Variants in BTD observed in about 807,000 individuals in gnomAD.
BTD encodes the protein biocytinase.
BTD carries 13 observed loss-of-function variants against 17.7 expected under a neutral mutation model. The ratio of observed to expected loss-of-function variants is 0.74; its 90% CI spans 0.48 to 1.17. The LOEUF is 1.17. Ranked by LOEUF, BTD falls within the 50% of genes most tolerant of loss-of-function variation. The pLI, the probability that BTD is intolerant of heterozygous loss-of-function variation, is 0.00. For missense variants in BTD, 674 were observed against 650.4 expected, an observed-to-expected ratio of 1.04 and a Z score of -0.39; for synonymous variants, 240 against 245.2, an observed-to-expected ratio of 0.98 and a Z score of 0.20.
intron 1 of BTD, among the ~76,000 whole-genome samples, chr3:15,614,598 C>CT (rs869155456): frequency 0.015 from 1,914 of 125,204 alleles, 35 homozygotes; most frequent in Admixed American, 0.029. Context: ...ATATCTTTTT[C>CT]TTTTTTTTTT....
chr3:15,658,643 G>A (rs2065894289), downstream of BTD, among the ~76,000 whole-genome samples: 1 of 152,074 alleles, frequency 6.6e-6, no homozygotes, highest in South Asian at 2.1e-4. Context: ...ACACTTTGAG[G>A]AACTGAGCTC....
chr3:15,714,520 T>C (rs1420935206), downstream of BTD: 3 of 1,257,326 alleles, frequency 2.4e-6, no homozygotes, highest in African/African-American at 1.6e-5. Flanking sequence ...TGGATGTTTT[T>C]ACTACATTTA....
intron 3 of BTD, chr3:15,683,706 A>G (rs1034128575): frequency 6.6e-6 from 1 of 152,212 alleles, no homozygotes; most frequent in African/African-American, 2.4e-5. Flanking sequence ...TGGCATAAGG[A>G]CTAATATGAA....
Position 15,696,326 on chromosome 3 carries a change from C to A in BTD, c.400-13734C>A, listed in dbSNP as rs942880186. ...GATAAAAAGAGACTGAAATTAAAAACTGACAATTTTTCTTATACTTGAGTA... is the reference window on the plus strand; with the variant it reads ...GATAAAAAGAGACTGAAATTAAAAAATGACAATTTTTCTTATACTTGAGTA... On this transcript the variant is annotated intron_variant, in intron 3 of 3. Transcript: ENST00000672141. The A allele has an allele frequency of 5.5e-6, 5 of 907,722 alleles. No individual in the cohort carries two copies. In the African/African-American group the frequency reaches 8.3e-5, roughly 15 times the overall value. The allele number at this position is 907,722 out of a possible 1,614,324, so 56.2% of individuals were successfully genotyped here.
rs780874850 is a variant in BTD, at chr3:15,644,492, AC to A, written c.577del (p.His193ThrfsTer51). The A allele has an allele frequency of 1.9e-6, 3 of 1,614,154 alleles. No individual in the cohort carries two copies. Among genetic ancestry groups the A allele is most frequent in the East Asian group, 2.2e-5 (1 of 44,892 alleles). On this transcript the variant is annotated frameshift_variant, in exon 4 of 4. Coordinates refer to ENST00000643237, the MANE Select transcript of BTD (RefSeq NM_001370658.1). LOFTEE classifies it low-confidence loss of function (END_TRUNC). ...GAACCCTTGTTGACCGCTACCGTAA[AC>A]ACAACCTCTACTTTGAGGCAGCATT... The part of the protein sequence containing the change: ...NGTLVDRYRK[H>X]NLYFEAAFDV...
intron 3 of BTD, among the ~76,000 whole-genome samples, chr3:15,644,096 G>A (rs1241250313): frequency 1.3e-5 from 2 of 151,930 alleles, no homozygotes; most frequent in Admixed American, 6.6e-5. Context: ...CGCCTACTGG[G>A]TTCACGCCAT....
In BTD at chr3:15,610,715, C is replaced by T. The variant is rs147357877; in HGVS notation, c.-17+8821C>T. On this transcript the variant is annotated intron_variant, in intron 1 of 3. Coordinates refer to ENST00000643237, the MANE Select transcript of BTD (RefSeq NM_001370658.1). The stretch of plus-strand genomic sequence containing the variant: ...GGTAGGACAAGTAGTCCCTGGACTT[C>T]ATTCTTTTGAAGCCATCTTGTTTAT... Among the ~76,000 whole-genome samples the T allele has an allele frequency of 1.9e-3, 294 of 152,254 alleles. 1 individual carries two copies. The highest frequency in any genetic ancestry group is 6.9e-3 in the African/African-American group (286 of 41,538).
chr3:15,666,293 T>A (rs2065988863), intron 3 of BTD, among the ~76,000 whole-genome samples: 1 of 152,192 alleles, frequency 6.6e-6, no homozygotes, highest in South Asian at 2.1e-4. Context: ...AGATTGCACG[T>A]CAGCAGTCAT....
intron 1 of BTD, among the ~76,000 whole-genome samples, chr3:15,610,128 A>G (rs896782107): frequency 6.6e-6 from 1 of 152,198 alleles, no homozygotes; most frequent in African/African-American, 2.4e-5. Flanking sequence ...TATTTAACAT[A>G]TATTCCTATG....
chr3:15,692,653 T>C (rs752636924), intron 3 of BTD, among the ~76,000 whole-genome samples: 8 of 152,196 alleles, frequency 5.3e-5, no homozygotes, highest in Non-Finnish European at 8.8e-5. Context: ...CTGTACCAAG[T>C]TGTCCCGAAT....
At chr3:15,714,483 G>T, downstream of BTD, 2 of 849,202 alleles carry the variant, frequency 2.4e-6, no homozygotes, top group South Asian at 1.9e-5. Flanking sequence ...AAAATGCGAT[G>T]ACAATTCCTC....
At chr3:15,625,461 G>C (rs1262979466) in intron 1 of BTD, among the ~76,000 whole-genome samples, 1 of 152,220 alleles carries the variant, frequency 6.6e-6, no homozygotes, top group Admixed American at 6.5e-5. Context: ...GAACCTGGTA[G>C]AACTCCTAGA....
rs1338710484 is a variant in BTD, at chr3:15,645,446, G to A, written c.1530G>A (p.Leu510=). 10 of 1,612,208 alleles carry A rather than the reference G, an allele frequency of 6.2e-6. No individual in the cohort carries two copies. In the African/African-American group the frequency reaches 1.1e-4, roughly 17 times the overall value. The change falls in exon 4 of 4, where the codon CTG becomes CTA. Residue 510 remains leucine (L), a synonymous_variant. Transcript: ENST00000643237. ...FLRKSRLSSG[L]VTAALYGRLY... is the part of the protein sequence containing the mutation. ...GGAAAAGTAGGCTGTCCTCTGGGCT[G>A]GTGACGGCGGCTCTCTATGGGCGCT...
chr3:15,721,821 C>T (rs1490765533), exon 5 of BTD, among the ~76,000 whole-genome samples: 6 of 152,050 alleles, frequency 3.9e-5, no homozygotes, highest in African/African-American at 1.4e-4. Context: ...CTCAGCTCAC[C>T]GAAACCTCTG....
At chr3:15,666,907 T>G (rs979702415) in intron 3 of BTD, among the ~76,000 whole-genome samples, 2 of 152,228 alleles carry the variant, frequency 1.3e-5, no homozygotes, top group Non-Finnish European at 2.9e-5. Context: ...GATCTTATTC[T>G]GTACCTTTTA....
At chr3:15,638,326 A>G (rs1012541722) in intron 2 of BTD, among the ~76,000 whole-genome samples, 2 of 152,090 alleles carry the variant, frequency 1.3e-5, no homozygotes, top group Non-Finnish European at 2.9e-5. Context: ...AACAGAAACA[A>G]CTGGTTCAGG....
At position 15,645,520 on chromosome 3, in the gene BTD, G is replaced by T. The variant is rs1200505812; in HGVS notation, c.*32G>T. On this transcript the variant is annotated 3_prime_UTR_variant, in exon 4 of 4. Coordinates refer to ENST00000643237, the MANE Select transcript of BTD (RefSeq NM_001370658.1). The stretch of plus-strand genomic sequence containing the variant: ...TGTGTGGTCTGTGGGGCGGACTCTG[G>T]CCATCATGTTGACAGCCTTGCACTT... 6.3e-7 allele frequency: 1 copy of T among 1,597,956 alleles called. No homozygotes were observed. The highest frequency in any genetic ancestry group is 1.7e-5 in the Admixed American group (1 of 60,006).
In BTD at chr3:15,645,068, C is replaced by G; in HGVS notation, c.1152C>G (p.Thr384=). 1 of 1,614,178 alleles carries G rather than the reference C, an allele frequency of 6.2e-7. No individual in the cohort carries two copies. The highest frequency in any genetic ancestry group is 8.5e-7 in the Non-Finnish European group (1 of 1,180,042). Residue 384 remains threonine, a synonymous_variant, in exon 4 of 4, where the codon ACC becomes ACG. Transcript: ENST00000643237. Reference sequence around the variant, plus strand: ...CTGAGATGATGTATGACAATTTCACCCTGGTCCCTGTCTGGGGAAAGGAAG... The same window carrying G: ...CTGAGATGATGTATGACAATTTCACGCTGGTCCCTGTCTGGGGAAAGGAAG... ...FHSEMMYDNF[T]LVPVWGKEGY...
At chr3:15,654,453 C>CA (rs1218169128), downstream of BTD, among the ~76,000 whole-genome samples, 3 of 152,058 alleles carry the variant, frequency 2.0e-5, no homozygotes, top group African/African-American at 7.3e-5. Flanking sequence ...CATGAGGACT[C>CA]ACTGAGGGGA....
Sources: allele counts gnomAD v4.1 joint callset (sites outside exome capture counted in the v4.1 genomes callset), GRCh38; gene constraint gnomAD v4.1.1; transcripts MANE v1.5; gene names NCBI Gene and HGNC (gene_info 2026-07-23, HGNC 2026-07-21).